The following ANK2 variants were observed in gnomAD, a reference collection of about 807,000 sequenced individuals.
The protein encoded by ANK2 is ankyrin-2.
A neutral mutation model predicts 360.5 loss-of-function variants in ANK2; 83 were observed. The ratio of observed to expected loss-of-function variants is 0.23; its 90% CI spans 0.19 to 0.28. The LOEUF is 0.28. Among genes scored for constraint, ANK2 ranks in the 10% least tolerant of loss-of-function variants. ANK2 has a pLI of 1.00. For synonymous variants in ANK2, 1,740 were observed against 1,759.5 expected (o/e 0.99, Z 0.28); for missense variants, 4,201 against 4,795.7 (o/e 0.88, Z 3.66).
chr4:113,063,483 A>G (rs1210232686), intron 1 of ANK2, among the ~76,000 whole-genome samples: 2 of 152,232 alleles, frequency 1.3e-5, no homozygotes, highest in Non-Finnish European at 2.9e-5. Flanking sequence ...GCTTTTTGCC[A>G]CAATCAGAAA....
intron 1 of ANK2, among the ~76,000 whole-genome samples, chr4:113,132,763 C>G (rs2154379016): frequency 6.6e-6 from 1 of 152,188 alleles, no homozygotes; most frequent in South Asian, 2.1e-4. Flanking sequence ...GGTTCTCACT[C>G]CAGCAGGGGG....
chr4:113,140,591 A>G (rs377530044), intron 1 of ANK2, among the ~76,000 whole-genome samples: 1 of 152,182 alleles, frequency 6.6e-6, no homozygotes, highest in African/African-American at 2.4e-5. Context: ...ATTTAATTCA[A>G]TGACTCTGAG....
At chr4:112,716,835 A>C in the ANK2 span, among the ~76,000 whole-genome samples, 1 of 152,202 alleles carries the variant, frequency 6.6e-6, no homozygotes, top group African/African-American at 2.4e-5. Context: ...TATGTGGGAA[A>C]AGTAAACCTT....
At chr4:112,830,039 T>C (rs13104956) in intron 1 of ANK2, among the ~76,000 whole-genome samples, 70,668 of 151,952 alleles carry the variant, frequency 0.47, 17,424 homozygotes, top group East Asian at 0.9. Context: ...TGAACACTTA[T>C]CCACTGCTGG....
intron 2 of ANK2, among the ~76,000 whole-genome samples, chr4:113,009,683 C>T (rs945597125): frequency 6.6e-6 from 1 of 152,098 alleles, no homozygotes; most frequent in Non-Finnish European, 1.5e-5. Context: ...TTGGACCACT[C>T]CTGATGATAA....
chr4:112,876,810 C>A (rs2075260317), intron 1 of ANK2, among the ~76,000 whole-genome samples: 2 of 152,160 alleles, frequency 1.3e-5, no homozygotes, highest in African/African-American at 2.4e-5. Context: ...TTCTAATATT[C>A]ATTTTCCTGT....
intron 14 of ANK2, among the ~76,000 whole-genome samples, chr4:113,268,197 CAG>C (rs2057009622): frequency 6.6e-6 from 1 of 152,164 alleles, no homozygotes; most frequent in Non-Finnish European, 1.5e-5. Flanking sequence ...CATTTGCAAA[CAG>C]AGACAATTTG....
chr4:113,133,810 G>A (rs1215663154), intron 1 of ANK2, among the ~76,000 whole-genome samples: 1 of 152,122 alleles, frequency 6.6e-6, no homozygotes, highest in Non-Finnish European at 1.5e-5. Flanking sequence ...AAAAAGTGAG[G>A]TTTAAGAAGG....
chr4:113,086,631 C>G (rs1320952295), intron 1 of ANK2, among the ~76,000 whole-genome samples: 1 of 152,140 alleles, frequency 6.6e-6, no homozygotes, highest in African/African-American at 2.4e-5. Context: ...AAAAAGCAAG[C>G]AAGCAAGCAA....
At chr4:112,988,636 A>G (rs1223919469) in intron 2 of ANK2, among the ~76,000 whole-genome samples, 1 of 152,222 alleles carries the variant, frequency 6.6e-6, no homozygotes, top group Non-Finnish European at 1.5e-5. Context: ...ATAATTTGGA[A>G]TATATCTTAG....
chr4:112,833,750 G>A (rs2060365701), intron 1 of ANK2, among the ~76,000 whole-genome samples: 2 of 152,106 alleles, frequency 1.3e-5, no homozygotes, highest in African/African-American at 2.4e-5. Context: ...TGATCCGCCC[G>A]CCTCGGCCTT....
chr4:112,836,095 A>T (rs1383342860), intron 1 of ANK2, among the ~76,000 whole-genome samples: 1 of 152,056 alleles, frequency 6.6e-6, no homozygotes, highest in African/African-American at 2.4e-5. Context: ...TCTCATCTCA[A>T]ATTATAATCC....
At chr4:113,242,295 C>A in intron 9 of ANK2, 86 bp downstream of exon 9, 1 of 1,142,978 alleles carries the variant, frequency 8.7e-7, no homozygotes, top group Non-Finnish European at 1.3e-6. Flanking sequence ...AGGTCATTAA[C>A]ATAAGCAATG....
chr4:112,764,590 C>T, the ANK2 span, among the ~76,000 whole-genome samples: 6 of 152,118 alleles, frequency 3.9e-5, no homozygotes, highest in Non-Finnish European at 7.3e-5. Flanking sequence ...CCCACCTCGG[C>T]CTCGGCCTCC....
chr4:113,292,569 C>T (rs2068308808), intron 21 of ANK2, 55 bp downstream of exon 21: 1 of 1,488,450 alleles, frequency 6.7e-7, no homozygotes, highest in Non-Finnish European at 9.2e-7. Context: ...CTCTCTTGCC[C>T]TGGTGGCTTC....
intron 2 of ANK2, among the ~76,000 whole-genome samples, chr4:113,183,818 G>A (rs972170270): frequency 2.6e-5 from 4 of 151,990 alleles, no homozygotes; most frequent in African/African-American, 9.7e-5. Flanking sequence ...AGTTTTGGAA[G>A]AGTCACCTGT....
At chr4:113,236,017 T>C (rs193061797) in intron 5 of ANK2, among the ~76,000 whole-genome samples, 37 of 152,262 alleles carry the variant, frequency 2.4e-4, no homozygotes, top group South Asian at 4.1e-4. Context: ...GGATTACAGG[T>C]GTGAGCCACC....
intron 2 of ANK2, among the ~76,000 whole-genome samples, chr4:112,969,106 C>T (rs147779241): frequency 1.3e-5 from 2 of 152,190 alleles, no homozygotes; most frequent in Admixed American, 1.3e-4. Context: ...GATGAGAACA[C>T]TGAGGTTCTA....
intron 26 of ANK2, chr4:113,323,619 G>T: frequency 7.1e-6 from 5 of 700,908 alleles, no homozygotes; most frequent in Non-Finnish European, 1.1e-5. Context: ...TGCTCTTCTC[G>T]ACCTATATCT....
Sources: gnomAD v4.1 joint callset for allele counts (sites outside exome capture counted in the v4.1 genomes callset) on GRCh38, gnomAD v4.1.1 for gene constraint, MANE v1.5 for transcripts, NCBI Gene and HGNC (gene_info 2026-07-23, HGNC 2026-07-21) for gene names.